The following CABIN1 variants were observed in gnomAD, a reference collection of about 807,000 sequenced individuals.
CABIN1 encodes the protein calcineurin-binding protein cabin-1.
A neutral mutation model predicts 227.7 loss-of-function variants in CABIN1; 133 were observed. The observed-to-expected ratio is 0.58, with a 90% CI of 0.51 to 0.67. CABIN1 has a LOEUF of 0.67. Among genes scored for constraint, CABIN1 ranks in the 30% least tolerant of loss-of-function variants. The pLI is 0.00. For missense variants in CABIN1, 2,408 were observed against 2,852.5 expected, an observed-to-expected ratio of 0.84 and a Z score of 3.55; for synonymous variants, 1,086 against 1,155.1, an observed-to-expected ratio of 0.94 and a Z score of 1.21.
At chr22:24,167,432 C>G (rs2046519048) in intron 32 of CABIN1, 119 bp downstream of exon 32, 1 of 807,930 alleles carries the variant, frequency 1.2e-6, no homozygotes, top group Non-Finnish European at 2.0e-6. Flanking sequence ...AGGTGTTGTT[C>G]CCACACCATC....
chr22:24,113,668 A>G lies in CABIN1; in HGVS notation c.4220A>G (p.Tyr1407Cys), dbSNP rs938264977. 1.2e-6 allele frequency: 2 copies of G among 1,614,158 alleles called. No individual in the cohort carries two copies. The highest frequency in any genetic ancestry group is 1.7e-6 in the Non-Finnish European group (2 of 1,180,034). Reference protein sequence around the residue: ...TSLLEGSRKSYTEKRLPILSS... With the variant: ...TSLLEGSRKSCTEKRLPILSS... ...TTACTGGAAGGCTCCAGGAAATCCT[A>G]CACAGAGAAGAGGCTGCCCATTCTC... The change falls in exon 27 of 37, where the codon TAC becomes TGC. Residue 1407 changes from tyrosine (Y) to cysteine (C), a missense_variant. Physicochemically the swap from Tyr to Cys is radical, Grantham distance 194. Coordinates refer to ENST00000263119, the MANE Select transcript of CABIN1 (RefSeq NM_012295.4).
At chr22:24,019,871 G>A (rs1280033587) in intron 1 of CABIN1, among the ~76,000 whole-genome samples, 8 of 151,356 alleles carry the variant, frequency 5.3e-5, no homozygotes, top group African/African-American at 1.9e-4. Context: ...TGGTCAGGCT[G>A]GTCTTGAACT....
intron 24 of CABIN1, among the ~76,000 whole-genome samples, chr22:24,092,831 A>G (rs955827920): frequency 4.0e-5 from 6 of 151,816 alleles, no homozygotes; most frequent in African/African-American, 1.2e-4. Context: ...ATGTCCCTGT[A>G]TGTCCGAATT....
intron 19 of CABIN1, among the ~76,000 whole-genome samples, chr22:24,082,239 A>G (rs5760203): frequency 6.6e-6 from 1 of 151,896 alleles, no homozygotes; most frequent in Non-Finnish European, 1.5e-5. Context: ...ACAGGTGTGC[A>G]CCATCATGCC....
In CABIN1 at chr22:24,166,909, C is replaced by A. The variant is rs2046480352; in HGVS notation, c.5278C>A (p.Pro1760Thr). Residue 1760 changes from proline (P) to threonine (T), a missense_variant, in exon 32 of 37, where the codon CCC (proline) becomes ACC (threonine). Physicochemically the swap from Pro to Thr is conservative, Grantham distance 38. This residue lies in a region of CABIN1 where 714 missense variants were observed against 773.8 expected (regional missense o/e 0.92). Coordinates refer to ENST00000263119, the MANE Select transcript of CABIN1 (RefSeq NM_012295.4). ...GAGCCCACGGGCAGGGCCCACTGAG[C>A]CCATGGACACGAGTGAGGCCACTGT... ...KESPRAGPTE[P>T]MDTSEATVCH... 6.2e-7 allele frequency: 1 copy of A among 1,607,682 alleles called. No homozygotes were observed. The highest frequency in any genetic ancestry group is 1.1e-5 in the South Asian group (1 of 90,442).
At chr22:24,062,849 T>C in intron 13 of CABIN1, 110 bp from the exon 14 acceptor site, 1 of 1,017,586 alleles carries the variant, frequency 9.8e-7, no homozygotes, top group South Asian at 1.3e-5. Context: ...GGGCTTAGGG[T>C]GCCCCTGGAG....
At chr22:24,075,640 G>C (rs2040390008) in intron 18 of CABIN1, among the ~76,000 whole-genome samples, 1 of 152,044 alleles carries the variant, frequency 6.6e-6, no homozygotes, top group South Asian at 2.1e-4. Flanking sequence ...AGCTACTCAG[G>C]AGACTGAGGC....
In CABIN1 at chr22:24,177,685, G is replaced by C; in HGVS notation, c.6387G>C (p.Leu2129=). 6.2e-7 allele frequency: 1 copy of C among 1,613,756 alleles called. No homozygotes were observed. The highest frequency in any genetic ancestry group is 8.5e-7 in the Non-Finnish European group (1 of 1,179,836). Residue 2129 remains leucine (L), a synonymous_variant, in exon 36 of 37, where the codon CTG becomes CTC. Transcript: ENST00000263119. This position sits in a 1 kb window ranked among gnomAD's most constrained non-coding sequence, Gnocchi z 4.4. ...PEPSRAKSRP[L]PNMPKLVIPS... ...CCAGCCGGGCTAAGTCCCGCCCCCT[G>C]CCCAACATGCCAAAGCTGGTCATCC... is the stretch of plus-strand genomic sequence containing the variant.
Position 24,071,170 on chromosome 22 carries a change from G to A in CABIN1, c.2475+128G>A, listed in dbSNP as rs2040058102. The stretch of plus-strand genomic sequence containing the variant: ...CAAAGGGGACATGATGGCTTCTTTG[G>A]TTGGAACTTTCGGGATCTGAGGAGG... On this transcript the variant is annotated intron_variant, in intron 17 of 36. Coordinates refer to ENST00000263119, the MANE Select transcript of CABIN1 (RefSeq NM_012295.4). 11 of 1,343,316 alleles carry A rather than the reference G, an allele frequency of 8.2e-6. No homozygotes were observed. In the South Asian group the frequency reaches 1.4e-4, roughly 17 times the overall value. The allele number at this position is 1,343,316 out of a possible 1,614,324, so 83.2% of individuals were successfully genotyped here. A position where few individuals can be genotyped will look rare whatever the true frequency, so the allele number is the denominator to read the frequency against.
At chr22:24,155,092 A>G (rs1482174291) in intron 29 of CABIN1, among the ~76,000 whole-genome samples, 1 of 152,168 alleles carries the variant, frequency 6.6e-6, no homozygotes, top group African/African-American at 2.4e-5. Context: ...AGGTTGGCCC[A>G]TCCCTGCCTT....
In CABIN1 at chr22:24,177,805, G is replaced by A. The variant is rs1046913883; in HGVS notation, c.6507G>A (p.Lys2169=). ...SPKGSISEET[K]QKLKSAILSA... ...AAGGCAGCATCTCGGAGGAGACCAA[G>A]CAGAAGCTGAAGGTGACCTCAGGGG... is the stretch of plus-strand genomic sequence containing the variant. Residue 2169 remains lysine (K), a synonymous_variant, in exon 36 of 37, where the codon AAG becomes AAA. Coordinates refer to ENST00000263119, the MANE Select transcript of CABIN1 (RefSeq NM_012295.4). The surrounding 1 kb of genome is among the most constrained non-coding windows in gnomAD (Gnocchi z 4.4). 1.9e-6 allele frequency: 3 copies of A among 1,607,282 alleles called. No homozygotes were observed. Among genetic ancestry groups the A allele is most frequent in the Non-Finnish European group, 2.6e-6 (3 of 1,175,640 alleles).
rs901734544 is a variant in CABIN1 at position 24,019,123 on chromosome 22, T to G, written c.-75+7756T>G. 2.3e-4 allele frequency among the ~76,000 whole-genome samples: 23 copies of G among 100,246 alleles called. No individual in the cohort carries two copies. The East Asian group carries it at 5.2e-3, about 23-fold the overall frequency. 65.8% of individuals were successfully genotyped at this position (100,246 alleles called of 152,430 possible). A position where few individuals can be genotyped will look rare whatever the true frequency, so the allele number is the denominator to read the frequency against. ...TTGTGCAACTTCACTGAGTGTTGTT[T>G]TTTTTTTTTTTTTTTTTTTTTTTTT... On this transcript the variant is annotated intron_variant, in intron 1 of 36. Transcript: ENST00000263119.
chr22:24,059,255 G>A lies in CABIN1; in HGVS notation c.1291G>A (p.Asp431Asn). 1 of 1,614,212 alleles carries A rather than the reference G, an allele frequency of 6.2e-7. No individual in the cohort carries two copies. Among genetic ancestry groups the A allele is most frequent in the Non-Finnish European group, 8.5e-7 (1 of 1,180,036 alleles). The stretch of plus-strand genomic sequence containing the variant: ...AAGAAAGCTGGACCCTGAGGAGGAA[G>A]ATGATTCCTTTAATAACTATGAAGT... ...RLRKLDPEEE[D>N]DSFNNYEVQS... The change falls in exon 11 of 37, where the codon GAT (aspartate) becomes AAT (asparagine). Residue 431 changes from aspartate to asparagine, a missense_variant. Around this residue, in one of 3 missense-constraint regions of CABIN1, gnomAD observed 1,045 missense variants for 1,168.4 expected, o/e 0.89. Coordinates refer to ENST00000263119, the MANE Select transcript of CABIN1 (RefSeq NM_012295.4).
At chr22:24,023,490 A>G (rs1367224535) in intron 1 of CABIN1, among the ~76,000 whole-genome samples, 1 of 152,168 alleles carries the variant, frequency 6.6e-6, no homozygotes, top group Non-Finnish European at 1.5e-5. Flanking sequence ...ACCATTTTAC[A>G]TTCCTACCAG....
chr22:24,132,136 G>A (rs898520926), intron 28 of CABIN1, among the ~76,000 whole-genome samples: 3 of 152,004 alleles, frequency 2.0e-5, no homozygotes, highest in Admixed American at 1.3e-4. Flanking sequence ...GACCAGGATG[G>A]ACACCTGCCT....
At chr22:24,128,250 CAT>C (rs1286612039) in intron 28 of CABIN1, among the ~76,000 whole-genome samples, 16 of 143,704 alleles carry the variant, frequency 1.1e-4, no homozygotes, top group Admixed American at 4.5e-4. Context: ...CTCGTGTACT[CAT>C]AAACTCTTTG....
At chr22:24,171,373 C>T (rs906244276) in intron 33 of CABIN1, among the ~76,000 whole-genome samples, 1 of 152,216 alleles carries the variant, frequency 6.6e-6, no homozygotes, top group African/African-American at 2.4e-5. Flanking sequence ...GCCTAGGGTC[C>T]TGCAGGACAT....
chr22:24,141,172 C>G lies in CABIN1; in HGVS notation c.4746+6757C>G, dbSNP rs573904742. ...AGGAGGAGCTCCAACTCACACCTGG[C>G]TGGGGCCTCCATAAGCTCAAGGCCC... On this transcript the variant is annotated intron_variant, in intron 29 of 36. Transcript: ENST00000263119. 7.2e-5 allele frequency among the ~76,000 whole-genome samples: 11 copies of G among 152,362 alleles called. No homozygotes were observed. In the South Asian group the frequency reaches 1.9e-3, roughly 26 times the overall value.
intron 1 of CABIN1, among the ~76,000 whole-genome samples, chr22:24,025,518 A>G (rs764669999): frequency 6.6e-6 from 1 of 152,224 alleles, no homozygotes; most frequent in South Asian, 2.1e-4. Flanking sequence ...CTTTAGGAAC[A>G]TGAGCTGCTA....
Sources: allele counts gnomAD v4.1 joint callset (sites outside exome capture counted in the v4.1 genomes callset), GRCh38; gene constraint gnomAD v4.1.1; regional missense constraint gnomAD v4.1.1; non-coding constraint Gnocchi (gnomAD v3.1); transcripts MANE v1.5; gene names NCBI Gene and HGNC (gene_info 2026-07-23, HGNC 2026-07-21).